Variants in G3BP1 observed in about 807,000 individuals in gnomAD.
G3BP1 encodes the protein ras GTPase-activating protein-binding protein 1.
G3BP1 carries 35 observed loss-of-function variants against 58.6 expected under a neutral mutation model. That is an observed-to-expected ratio of 0.60 (90% confidence interval 0.46 to 0.79). The LOEUF is 0.79. Ranked by LOEUF, G3BP1 falls within the 30% of genes least tolerant of loss-of-function variation. The probability of loss-of-function intolerance (pLI) is 0.00; values close to 1 mark genes in which losing one functional copy is unlikely to be tolerated. For synonymous variants in G3BP1, 191 were observed against 195.4 expected, an observed-to-expected ratio of 0.98 and a Z score of 0.19; for missense variants, 523 against 580.8, an observed-to-expected ratio of 0.90 and a Z score of 1.02.
chr5:151,773,198 C>T (rs1191298961), intron 1 of G3BP1, among the ~76,000 whole-genome samples: 1 of 151,876 alleles, frequency 6.6e-6, no homozygotes, highest in African/African-American at 2.4e-5. Context: ...GAGACTTTTG[C>T]AGAAAGACCT....
At chr5:151,800,890 A>ATTTTTTT in intron 11 of G3BP1, 21 bp downstream of exon 11, 1 of 836,582 alleles carries the variant, frequency 1.2e-6, no homozygotes, top group Non-Finnish European at 1.9e-6. Context: ...TTTTGTCTTG[A>ATTTTTTT]TTTTTTTTTT....
rs1210597196 is a variant in G3BP1 at position 151,811,855 on chromosome 5, T to G, written c.*7764T>G. 6.6e-6 allele frequency: 1 copy of G among 152,200 alleles called. No individual in the cohort carries two copies. Among genetic ancestry groups the G allele is most frequent in the Non-Finnish European group, 1.5e-5 (1 of 68,036 alleles). The allele number at this position is 152,200 out of a possible 1,614,324, so 9.4% of individuals were successfully genotyped here. A position where few individuals can be genotyped will look rare whatever the true frequency, so the allele number is the denominator to read the frequency against. ...AGGCCATACCAAGTTTATACATATA[T>G]ACAAAGAAATTTCCATATAAAAGAC... On this transcript the variant is annotated 3_prime_UTR_variant, in exon 12 of 12. Coordinates refer to ENST00000356245, the MANE Select transcript of G3BP1 (RefSeq NM_005754.3).
In G3BP1 at chr5:151,807,700, C is replaced by G. The variant is rs754450954; in HGVS notation, c.*3609C>G. 6.6e-6 allele frequency: 1 copy of G among 152,066 alleles called. No individual in the cohort carries two copies. Among genetic ancestry groups the G allele is most frequent in the Non-Finnish European group, 1.5e-5 (1 of 67,976 alleles). The allele number at this position is 152,066 out of a possible 1,614,324, so 9.4% of individuals were successfully genotyped here. A position where few individuals can be genotyped will look rare whatever the true frequency, so the allele number is the denominator to read the frequency against. ...GCTTATAAACTGTCACCTTCTGATA[C>G]TTTTCTTCATCCCTCTATTTGAAAA... On this transcript the variant is annotated 3_prime_UTR_variant, in exon 12 of 12. Coordinates refer to ENST00000356245, the MANE Select transcript of G3BP1 (RefSeq NM_005754.3).
intron 6 of G3BP1, 144 bp from the exon 7 acceptor site, chr5:151,797,083 T>G (rs1304993759): frequency 1.4e-6 from 1 of 728,960 alleles, no homozygotes; most frequent in African/African-American, 1.8e-5. Context: ...TTTTAAAAAC[T>G]CAGATAGATA....
intron 4 of G3BP1, 45 bp from the exon 5 acceptor site, chr5:151,794,114 C>A: frequency 1.7e-6 from 2 of 1,186,410 alleles, no homozygotes; most frequent in South Asian, 1.2e-5. Flanking sequence ...ATTTGACTTT[C>A]TAAAAGTCTG....
At chr5:151,792,472 A>C (rs1220914938) in intron 4 of G3BP1, among the ~76,000 whole-genome samples, 2 of 152,210 alleles carry the variant, frequency 1.3e-5, no homozygotes, top group African/African-American at 4.8e-5. Flanking sequence ...AATCACATGG[A>C]GTATGATTGT....
intron 3 of G3BP1, 34 bp from the exon 4 acceptor site, chr5:151,790,855 A>T: frequency 8.0e-7 from 1 of 1,247,466 alleles, no homozygotes; most frequent in South Asian, 1.4e-5. Context: ...AGGCATTCTC[A>T]GTTGATTATT....
chr5:151,798,495 A>G (rs531189887), intron 7 of G3BP1, among the ~76,000 whole-genome samples: 2 of 152,332 alleles, frequency 1.3e-5, no homozygotes, highest in African/African-American at 2.4e-5. Context: ...ATAATTAGGT[A>G]GAATAACAGG....
intron 2 of G3BP1, among the ~76,000 whole-genome samples, chr5:151,790,050 G>A (rs1762622976): frequency 6.7e-6 from 1 of 148,830 alleles, no homozygotes; most frequent in Non-Finnish European, 1.5e-5. Context: ...GCATGTGACT[G>A]TAGTTCCAGC....
chr5:151,782,377 C>T (rs1762483879), intron 1 of G3BP1, among the ~76,000 whole-genome samples: 1 of 152,072 alleles, frequency 6.6e-6, no homozygotes, highest in South Asian at 2.1e-4. Flanking sequence ...TTTTAAAGTT[C>T]ATTTGTCATA....
At position 151,800,886 on chromosome 5, in the gene G3BP1, CTTGATTT is replaced by C; in HGVS notation, c.1194+20_1194+26del. The C allele has an allele frequency of 9.7e-7, 1 of 1,027,020 alleles. No homozygotes were observed. Among genetic ancestry groups the C allele is most frequent in the Non-Finnish European group, 1.4e-6 (1 of 712,106 alleles). The allele number at this position is 1,027,020 out of a possible 1,614,324, so 63.6% of individuals were successfully genotyped here. A position where few individuals can be genotyped will look rare whatever the true frequency, so the allele number is the denominator to read the frequency against. ...AGCAACAGGGTAAGCAGCTTTTTGT[CTTGATTT>C]TTTTTTTTTTTTTTTAAAAAGGGTT... On this transcript the variant is annotated intron_variant, in intron 11 of 11. Coordinates refer to ENST00000356245, the MANE Select transcript of G3BP1 (RefSeq NM_005754.3).
At chr5:151,797,693 C>T (rs1177786425) in intron 7 of G3BP1, among the ~76,000 whole-genome samples, 1 of 152,190 alleles carries the variant, frequency 6.6e-6, no homozygotes, top group African/African-American at 2.4e-5. Flanking sequence ...GCCACTGTAG[C>T]ACCCTATCAG....
At position 151,808,481 on chromosome 5, in the gene G3BP1, T is replaced by C. The variant is rs1762968782; in HGVS notation, c.*4390T>C. ...ATTAGGTTTTTAGTTTCTGTTTATG[T>C]GACTTGTTTGAAAACATTGGATTCG... On this transcript the variant is annotated 3_prime_UTR_variant, in exon 12 of 12. Transcript: ENST00000356245. 6.6e-6 allele frequency: 1 copy of C among 152,242 alleles called. No homozygotes were observed. Among genetic ancestry groups the C allele is most frequent in the African/African-American group, 2.4e-5 (1 of 41,466 alleles). 9.4% of individuals were successfully genotyped at this position (152,242 alleles called of 1,614,324 possible). A position where few individuals can be genotyped will look rare whatever the true frequency, so the allele number is the denominator to read the frequency against.
At position 151,799,817 on chromosome 5, in the gene G3BP1, C is replaced by A. The variant is rs557904718; in HGVS notation, c.844-72C>A. 39 of 849,552 alleles carry A rather than the reference C, an allele frequency of 4.6e-5. No homozygotes were observed. In the African/African-American group the frequency reaches 6.2e-4, roughly 13 times the overall value. 52.6% of individuals were successfully genotyped at this position (849,552 alleles called of 1,614,324 possible). A position where few individuals can be genotyped will look rare whatever the true frequency, so the allele number is the denominator to read the frequency against. On this transcript the variant is annotated intron_variant, in intron 8 of 11. Transcript: ENST00000356245. Reference sequence around the variant, plus strand: ...CATTTTGTAGTTTAAAACTTGTTAGCTAAGAAACTTCATTAAGAAAAAGGA... The same window carrying A: ...CATTTTGTAGTTTAAAACTTGTTAGATAAGAAACTTCATTAAGAAAAAGGA...
In G3BP1 at chr5:151,808,864, TTAAC is replaced by T. The variant is rs1762973787; in HGVS notation, c.*4776_*4779del. ...CTGTTTAACCTGGATAGAAACAGTT[TTAAC>T]TATTGCTGAAGTTAAAATCACTTTG... is the stretch of plus-strand genomic sequence containing the variant. On this transcript the variant is annotated 3_prime_UTR_variant, in exon 12 of 12. Transcript: ENST00000356245. The T allele has an allele frequency of 6.6e-6, 1 of 152,230 alleles. No homozygotes were observed. Among genetic ancestry groups the T allele is most frequent in the South Asian group, 2.1e-4 (1 of 4,832 alleles). The allele number at this position is 152,230 out of a possible 1,614,324, so 9.4% of individuals were successfully genotyped here. A position where few individuals can be genotyped will look rare whatever the true frequency, so the allele number is the denominator to read the frequency against.
At chr5:151,793,682 A>G (rs1388434961) in intron 4 of G3BP1, among the ~76,000 whole-genome samples, 1 of 152,036 alleles carries the variant, frequency 6.6e-6, no homozygotes, top group African/African-American at 2.4e-5. Flanking sequence ...AGTTGTCAGT[A>G]GCATTCCATG....
Position 151,807,284 on chromosome 5 carries a change from A to G in G3BP1, c.*3193A>G, listed in dbSNP as rs1762950412. 1 of 152,232 alleles carries G rather than the reference A, an allele frequency of 6.6e-6. No homozygotes were observed. The highest frequency in any genetic ancestry group is 1.5e-5 in the Non-Finnish European group (1 of 68,034). 9.4% of individuals were successfully genotyped at this position (152,232 alleles called of 1,614,324 possible). A position where few individuals can be genotyped will look rare whatever the true frequency, so the allele number is the denominator to read the frequency against. ...AACTGAATCAGAACAGTTAAATGAC[A>G]GGCTTCCAAGTCATCCATGTAGCAA... On this transcript the variant is annotated 3_prime_UTR_variant, in exon 12 of 12. Transcript: ENST00000356245.
intron 11 of G3BP1, 39 bp downstream of exon 11, chr5:151,800,908 T>TA (rs761058269): frequency 5.9e-5 from 47 of 803,048 alleles, no homozygotes; most frequent in Non-Finnish European, 8.5e-5. Context: ...TTTTTTTTTT[T>TA]AAAAAGGGTT....
intron 9 of G3BP1, 30 bp downstream of exon 9, chr5:151,800,030 T>C: frequency 2.1e-6 from 3 of 1,428,984 alleles, no homozygotes; most frequent in Non-Finnish European, 2.9e-6. Flanking sequence ...ATTTCTCGTT[T>C]GGGGGATTTT....
Sources: gnomAD v4.1 joint callset for allele counts (sites outside exome capture counted in the v4.1 genomes callset) on GRCh38, gnomAD v4.1.1 for gene constraint, MANE v1.5 for transcripts, NCBI Gene and HGNC (gene_info 2026-07-23, HGNC 2026-07-21) for gene names.